Variants in PSMA8 observed in about 807,000 individuals in gnomAD.
PSMA8 encodes proteasome subunit alpha-type 8.
A neutral mutation model predicts 32.4 loss-of-function variants in PSMA8; 18 were observed. The ratio of observed to expected loss-of-function variants is 0.56; its 90% CI spans 0.38 to 0.82. PSMA8 has a LOEUF of 0.82. Ranked by LOEUF, PSMA8 falls within the 40% of genes least tolerant of loss-of-function variation. The pLI is 0.00. For synonymous variants in PSMA8, 104 were observed against 98.1 expected, an observed-to-expected ratio of 1.06 and a Z score of -0.36; for missense variants, 298 against 300.7, an observed-to-expected ratio of 0.99 and a Z score of 0.07.
rs779059706 is a variant in PSMA8 at position 26,183,307 on chromosome 18, G to A, written c.660+4177G>A. Among the ~76,000 whole-genome samples the A allele has an allele frequency of 1.7e-4, 26 of 150,036 alleles. 3 individuals carry two copies. Among genetic ancestry groups the A allele is most frequent in the Non-Finnish European group, 2.8e-4 (19 of 67,580 alleles). On this transcript the variant is annotated intron_variant, in intron 6 of 6. Transcript: ENST00000415576. ...CTCAGGAGGCTAAGGCAGGAGAATCGCTTGAACCTGGGAGGCAGAGGTTGC... is the reference window on the plus strand; with the variant it reads ...CTCAGGAGGCTAAGGCAGGAGAATCACTTGAACCTGGGAGGCAGAGGTTGC...
intron 2 of PSMA8, among the ~76,000 whole-genome samples, chr18:26,146,159 C>G (rs899704037): frequency 6.7e-6 from 1 of 148,484 alleles, no homozygotes; most frequent in South Asian, 2.1e-4. Context: ...ATAAGACATG[C>G]CTCTTGTCTT....
chr18:26,151,494 C>CA (rs776684538), intron 2 of PSMA8, among the ~76,000 whole-genome samples: 15 of 152,016 alleles, frequency 9.9e-5, no homozygotes, highest in Non-Finnish European at 1.9e-4. Context: ...TGGTTTTAGA[C>CA]AAAAAACTGA....
intron 4 of PSMA8, among the ~76,000 whole-genome samples, chr18:26,176,939 A>AAAT (rs1422576006): frequency 5.9e-5 from 9 of 152,120 alleles, no homozygotes; most frequent in Admixed American, 1.3e-4. Flanking sequence ...TCAAAAAAGA[A>AAAT]AATAATAATA....
chr18:26,141,027 T>C (rs546186519), intron 1 of PSMA8, among the ~76,000 whole-genome samples: 1 of 152,260 alleles, frequency 6.6e-6, no homozygotes, highest in African/African-American at 2.4e-5. Flanking sequence ...CACACTTGTA[T>C]GTATTTCTTT....
chr18:26,145,679 G>A (rs1026020180), intron 2 of PSMA8, among the ~76,000 whole-genome samples: 3 of 152,162 alleles, frequency 2.0e-5, no homozygotes, highest in Non-Finnish European at 2.9e-5. Context: ...GTTCATGCAA[G>A]TTGTTGCATA....
At chr18:26,156,481 A>G (rs2055089762) in intron 3 of PSMA8, among the ~76,000 whole-genome samples, 2 of 152,118 alleles carry the variant, frequency 1.3e-5, no homozygotes, top group Admixed American at 1.3e-4. Context: ...TTAGCCATAA[A>G]AAAGAATGAA....
Position 26,171,106 on chromosome 18 carries a change from T to A in PSMA8, c.478-7724T>A, listed in dbSNP as rs1162957445. The A allele has an allele frequency of 9.6e-6, 15 of 1,559,630 alleles. 1 individual carries two copies. The highest frequency in any genetic ancestry group is 1.3e-5 in the Non-Finnish European group (15 of 1,170,336). ...TTTAAAGGTCGATTCTTCTCAGGAA[T>A]GGAGAACCAGGTCTTCTTACCCATA... On this transcript the variant is annotated intron_variant, in intron 4 of 6. Coordinates refer to ENST00000415576, the MANE Select transcript of PSMA8 (RefSeq NM_001025096.2).
chr18:26,175,427 G>C (rs2055256248), intron 4 of PSMA8, among the ~76,000 whole-genome samples: 2 of 152,188 alleles, frequency 1.3e-5, no homozygotes, highest in Non-Finnish European at 2.9e-5. Context: ...GAGTGCTCTG[G>C]ATCTGTAGTG....
chr18:26,163,250 T>TATA lies in PSMA8; in HGVS notation c.477+5007_477+5009dup, dbSNP rs1555662104. 1.2e-3 allele frequency among the ~76,000 whole-genome samples: 115 copies of TATA among 94,548 alleles called. 2 individuals are homozygous for TATA. The highest frequency in any genetic ancestry group is 4.4e-3 in the African/African-American group (110 of 24,990). The allele number at this position is 94,548 out of a possible 152,430, so 62.0% of individuals were successfully genotyped here. A position where few individuals can be genotyped will look rare whatever the true frequency, so the allele number is the denominator to read the frequency against. On this transcript the variant is annotated intron_variant, in intron 4 of 6. Transcript: ENST00000415576. ...ATATATATATATATATATATATATATATATATATATATGCTGTGAGTAAAA... is the reference window on the plus strand; with the variant it reads ...ATATATATATATATATATATATATATATAATATATATATATGCTGTGAGTAAAA...
At position 26,133,903 on chromosome 18, in the gene PSMA8, C is replaced by G. The variant is rs2144258014; in HGVS notation, c.-63C>G. Reference sequence around the variant, plus strand: ...CGGTAGCACGCTGTGTTGGCGGCGGCTCCCCGCTTGCCTCAGCTGCAGCAG... The same window carrying G: ...CGGTAGCACGCTGTGTTGGCGGCGGGTCCCCGCTTGCCTCAGCTGCAGCAG... On this transcript the variant is annotated 5_prime_UTR_variant, in exon 1 of 7. Coordinates refer to ENST00000415576, the MANE Select transcript of PSMA8 (RefSeq NM_001025096.2). The G allele has an allele frequency of 7.0e-7, 1 of 1,428,312 alleles. No homozygotes were observed. Among genetic ancestry groups the G allele is most frequent in the Non-Finnish European group, 9.8e-7 (1 of 1,016,000 alleles). 88.5% of individuals were successfully genotyped at this position (1,428,312 alleles called of 1,614,324 possible).
At chr18:26,187,448 T>C (rs926866384) in intron 6 of PSMA8, among the ~76,000 whole-genome samples, 6 of 151,948 alleles carry the variant, frequency 3.9e-5, no homozygotes, top group Admixed American at 1.3e-4. Flanking sequence ...TAACATTGAA[T>C]GTAAGTGGAC....
chr18:26,161,415 G>A lies in PSMA8; in HGVS notation c.477+3171G>A, dbSNP rs8088024. Among the ~76,000 whole-genome samples the A allele has an allele frequency of 8.2e-3, 1,248 of 152,284 alleles. 16 individuals are homozygous for A. Among genetic ancestry groups the A allele is most frequent in the African/African-American group, 0.029 (1,192 of 41,552 alleles). On this transcript the variant is annotated intron_variant, in intron 4 of 6. Coordinates refer to ENST00000415576, the MANE Select transcript of PSMA8 (RefSeq NM_001025096.2). ...GTCACACAGCTACTGCTATTACTGA[G>A]TCTTCATAGCCTGTTCTAGAATTAC... is the stretch of plus-strand genomic sequence containing the variant.
At chr18:26,184,820 C>T (rs2055339940) in intron 6 of PSMA8, among the ~76,000 whole-genome samples, 2 of 146,264 alleles carry the variant, frequency 1.4e-5, no homozygotes, top group Admixed American at 6.8e-5. Flanking sequence ...GGCACAGTGG[C>T]TCATGCATGT....
chr18:26,174,264 A>G (rs2144336335), intron 4 of PSMA8, among the ~76,000 whole-genome samples: 1 of 152,356 alleles, frequency 6.6e-6, no homozygotes, highest in East Asian at 1.9e-4. Flanking sequence ...AGTGGCAGGA[A>G]TTGAATATGT....
chr18:26,141,912 T>C (rs1040475179), intron 1 of PSMA8, among the ~76,000 whole-genome samples: 2 of 151,770 alleles, frequency 1.3e-5, no homozygotes, highest in African/African-American at 4.8e-5. Context: ...TCTGAAACTC[T>C]TGGAATCAAG....
intron 6 of PSMA8, among the ~76,000 whole-genome samples, chr18:26,188,435 C>T (rs2055374445): frequency 6.6e-6 from 1 of 150,978 alleles, no homozygotes; most frequent in South Asian, 2.1e-4. Flanking sequence ...TCTACAGATT[C>T]AATGCAATCC....
intron 4 of PSMA8, 25 bp downstream of exon 4, chr18:26,158,269 T>A: frequency 6.5e-7 from 1 of 1,548,236 alleles, no homozygotes; most frequent in Non-Finnish European, 8.8e-7. Flanking sequence ...TATTAATACT[T>A]TTTTAGAAGT....
chr18:26,178,074 C>G (rs905906921), intron 4 of PSMA8, among the ~76,000 whole-genome samples: 1 of 151,664 alleles, frequency 6.6e-6, no homozygotes, highest in Non-Finnish European at 1.5e-5. Context: ...TTAAATTAGC[C>G]AAGTGTGGTG....
chr18:26,138,749 G>A (rs966571486), intron 1 of PSMA8, among the ~76,000 whole-genome samples: 3 of 152,136 alleles, frequency 2.0e-5, no homozygotes, highest in Non-Finnish European at 4.4e-5. Context: ...ACTAGACTTG[G>A]GGGGAAAGTA....
Sources: allele counts gnomAD v4.1 joint callset (sites outside exome capture counted in the v4.1 genomes callset), GRCh38; gene constraint gnomAD v4.1.1; transcripts MANE v1.5; gene names NCBI Gene and HGNC (gene_info 2026-07-23, HGNC 2026-07-21).